MAST4: variants seen among roughly 807,000 people sequenced by gnomAD.
The protein encoded by MAST4 is microtubule associated serine/threonine kinase family member 4.
MAST4 carries 89 observed loss-of-function variants against 162.7 expected under a neutral mutation model. The observed-to-expected ratio is 0.55, with a 90% confidence interval of 0.46 to 0.65. The LOEUF (loss-of-function observed/expected upper bound fraction) is 0.65, where lower values mean the gene tolerates loss of function less well. Among genes scored for constraint, MAST4 ranks in the 30% least tolerant of loss-of-function variants. The probability of loss-of-function intolerance (pLI) is 0.00; values close to 1 mark genes in which losing one functional copy is unlikely to be tolerated. For synonymous variants in MAST4, 1,479 were observed against 1,361.1 expected (o/e 1.09, Z -1.91); for missense variants, 3,153 against 3,374.0 (o/e 0.93, Z 1.62).
intron 4 of MAST4, among the ~76,000 whole-genome samples, chr5:67,053,955 C>G (rs1441166923): frequency 6.6e-6 from 1 of 152,186 alleles, no homozygotes; most frequent in African/African-American, 2.4e-5. Flanking sequence ...ACAAAAGGCA[C>G]AAATAAGAAA....
intron 3 of MAST4, among the ~76,000 whole-genome samples, chr5:66,816,373 T>G (rs1756721732): frequency 6.6e-6 from 1 of 152,182 alleles, no homozygotes; most frequent in Non-Finnish European, 1.5e-5. Context: ...TTCCTTTCCC[T>G]CTGTTTCTAA....
intron 3 of MAST4, among the ~76,000 whole-genome samples, chr5:66,866,147 A>C (rs1760504048): frequency 6.6e-6 from 1 of 151,728 alleles, no homozygotes; most frequent in East Asian, 1.9e-4. Context: ...GGCAAGTATT[A>C]TTTCATGATG....
At chr5:66,808,964 C>G (rs1422909890) in intron 3 of MAST4, among the ~76,000 whole-genome samples, 1 of 152,164 alleles carries the variant, frequency 6.6e-6, no homozygotes, top group African/African-American at 2.4e-5. Context: ...TTGTATAGCA[C>G]TTCACTGGGA....
chr5:67,027,858 G>A (rs1754851165), intron 4 of MAST4, among the ~76,000 whole-genome samples: 2 of 152,166 alleles, frequency 1.3e-5, no homozygotes, highest in South Asian at 4.1e-4. Flanking sequence ...GATGAAGCTT[G>A]GAATTTGGAG....
At chr5:66,811,565 C>CG (rs1409656130) in intron 3 of MAST4, among the ~76,000 whole-genome samples, 1 of 152,166 alleles carries the variant, frequency 6.6e-6, no homozygotes, top group Admixed American at 6.5e-5. Context: ...GGGAAAGCCT[C>CG]GGAGTATTTC....
At chr5:66,620,025 A>G (rs1317749803) in intron 1 of MAST4, among the ~76,000 whole-genome samples, 2 of 147,064 alleles carry the variant, frequency 1.4e-5, no homozygotes, top group Non-Finnish European at 3.0e-5. Flanking sequence ...TAGGTCTTAA[A>G]TGGAATGAAA....
At position 66,935,634 on chromosome 5, in the gene MAST4, A is replaced by G. The variant is rs377558530; in HGVS notation, c.674+35652A>G. Among the ~76,000 whole-genome samples, 24 of 151,606 alleles carry G rather than the reference A, an allele frequency of 1.6e-4. 1 individual carries two copies. The highest frequency in any genetic ancestry group is 5.8e-4 in the African/African-American group (24 of 41,388). ...GTTCTAACTGTGCTCCTCAGTTGTC[A>G]GATGCTTCTCCATAGACTTTTTTCT... is the stretch of plus-strand genomic sequence containing the variant. On this transcript the variant is annotated intron_variant, in intron 4 of 28. Transcript: ENST00000403625.
Position 67,163,613 on chromosome 5 carries a change from G to A in MAST4, c.4434G>A (p.Glu1478=). ...TGACCCAAGAGGAGGTGCAGCGGGA[G>A]CAGTCCCAGCGGGAGGCGCCGCTGC... ...LEVTQEEVQR[E]QSQREAPLQS... Residue 1478 remains glutamate (E), a synonymous_variant, in exon 29 of 29, where the codon GAG becomes GAA. Coordinates refer to ENST00000403625, the MANE Select transcript of MAST4 (RefSeq NM_001164664.2). The surrounding 1 kb of genome is among the most constrained non-coding windows in gnomAD (Gnocchi z 7.0). 6.2e-7 allele frequency: 1 copy of A among 1,602,816 alleles called. No individual in the cohort carries two copies. Among genetic ancestry groups the A allele is most frequent in the Admixed American group, 1.7e-5 (1 of 58,242 alleles).
At chr5:67,107,454 G>T (rs574050590) in intron 10 of MAST4, among the ~76,000 whole-genome samples, 1 of 152,210 alleles carries the variant, frequency 6.6e-6, no homozygotes, top group Non-Finnish European at 1.5e-5. Flanking sequence ...TTCTTGTTTA[G>T]CTTTGCAGAT....
chr5:66,659,183 C>A (rs1746744005), intron 1 of MAST4, among the ~76,000 whole-genome samples: 1 of 152,124 alleles, frequency 6.6e-6, no homozygotes, highest in South Asian at 2.1e-4. Flanking sequence ...TTCCTTCAAG[C>A]CAGGAACAGC....
At chr5:66,685,302 A>AAAACAAAACC (rs1380871293) in intron 1 of MAST4, among the ~76,000 whole-genome samples, 5 of 148,574 alleles carry the variant, frequency 3.4e-5, no homozygotes, top group East Asian at 4.1e-4. Context: ...AAAACAAAAC[A>AAAACAAAACC]AAACCACACA....
At chr5:66,946,799 T>C (rs1243963606) in intron 4 of MAST4, among the ~76,000 whole-genome samples, 2 of 152,152 alleles carry the variant, frequency 1.3e-5, no homozygotes, top group Non-Finnish European at 2.9e-5. Context: ...ATATGTGGAG[T>C]AAAAATAATT....
At chr5:66,828,902 T>A in intron 3 of MAST4, 1 of 1,565,618 alleles carries the variant, frequency 6.4e-7, no homozygotes. Flanking sequence ...TGCTCCATTC[T>A]TGACATGTAG....
intron 1 of MAST4, among the ~76,000 whole-genome samples, chr5:66,624,815 A>G (rs1159877750): frequency 6.6e-6 from 1 of 152,228 alleles, no homozygotes; most frequent in African/African-American, 2.4e-5. Context: ...CAGCAAAAGA[A>G]TAAAATTGGA....
At position 66,627,384 on chromosome 5, in the gene MAST4, A is replaced by T. The variant is rs967063415; in HGVS notation, c.363+30366A>T. Reference sequence around the variant, plus strand: ...GGGTGGGTTCACGCCAAACCATATGAAGGTTTAAAAGGAAAACAGTGGTGT... The same window carrying T: ...GGGTGGGTTCACGCCAAACCATATGTAGGTTTAAAAGGAAAACAGTGGTGT... On this transcript the variant is annotated intron_variant, in intron 1 of 28. Transcript: ENST00000403625. 5.3e-5 allele frequency among the ~76,000 whole-genome samples: 8 copies of T among 152,308 alleles called. No individual in the cohort carries two copies. In the East Asian group the frequency reaches 1.5e-3, roughly 29 times the overall value.
rs369222217 is a variant in MAST4 at position 66,713,093 on chromosome 5, T to C, written c.364-46616T>C. 4.6e-5 allele frequency among the ~76,000 whole-genome samples: 7 copies of C among 152,396 alleles called. No homozygotes were observed. In the East Asian group the frequency reaches 1.2e-3, roughly 25 times the overall value. ...TTTTTTACTTCTCTAAATCAGCATG[T>C]AGCAGAACAATCTGCTTCTTATTTC... On this transcript the variant is annotated intron_variant, in intron 1 of 28. Coordinates refer to ENST00000403625, the MANE Select transcript of MAST4 (RefSeq NM_001164664.2).
chr5:66,614,900 C>A (rs1225236938), intron 1 of MAST4, among the ~76,000 whole-genome samples: 1 of 152,086 alleles, frequency 6.6e-6, no homozygotes, highest in African/African-American at 2.4e-5. Context: ...CTTTCTGATG[C>A]TTTGTTTGGG....
chr5:67,160,396 C>CTG, intron 26 of MAST4, 60 bp from the exon 27 acceptor site: 2 of 1,505,588 alleles, frequency 1.3e-6, no homozygotes, highest in Admixed American at 4.2e-5. Context: ...TCTCTCATCT[C>CTG]TGTTCTGATC....
chr5:66,880,478 T>C (rs1207293716), intron 3 of MAST4, among the ~76,000 whole-genome samples: 2 of 152,150 alleles, frequency 1.3e-5, no homozygotes, highest in Non-Finnish European at 2.9e-5. Flanking sequence ...AATCCAGAGC[T>C]CTTGACCCAG....
Sources: gnomAD v4.1 joint callset for allele counts (sites outside exome capture counted in the v4.1 genomes callset) on GRCh38, gnomAD v4.1.1 for gene constraint, Gnocchi (gnomAD v3.1) non-coding constraint, MANE v1.5 for transcripts, NCBI Gene and HGNC (gene_info 2026-07-23, HGNC 2026-07-21) for gene names.